Variants in GDPD1 observed in about 807,000 individuals in gnomAD.
GDPD1 encodes lysophospholipase D GDPD1.
A neutral mutation model predicts 45.1 loss-of-function variants in GDPD1; 28 were observed. The ratio of observed to expected loss-of-function variants is 0.62; its 90% CI spans 0.46 to 0.85. GDPD1 has a LOEUF of 0.85. GDPD1 is among the 40% of genes least tolerant of loss of function. The pLI, the probability that GDPD1 is intolerant of heterozygous loss-of-function variation, is 0.00. For missense variants in GDPD1, 256 were observed against 364.8 expected (o/e 0.70, Z 2.43); for synonymous variants, 139 against 131.4 (o/e 1.06, Z -0.40).
At chr17:59,229,811 A>G (rs2047075508) in intron 1 of GDPD1, among the ~76,000 whole-genome samples, 1 of 152,160 alleles carries the variant, frequency 6.6e-6, no homozygotes, top group African/African-American at 2.4e-5. Flanking sequence ...TTCAGTTACA[A>G]TATATCTTTT....
chr17:59,244,769 G>A (rs1187303738), intron 2 of GDPD1, among the ~76,000 whole-genome samples: 2 of 152,132 alleles, frequency 1.3e-5, no homozygotes, highest in African/African-American at 2.4e-5. Context: ...GCTGAGGCAG[G>A]AGGATCACAT....
At chr17:59,259,566 C>CAA (rs71367681) in intron 6 of GDPD1, among the ~76,000 whole-genome samples, 121 of 24,716 alleles carry the variant, frequency 4.9e-3, no homozygotes, top group African/African-American at 7.8e-3. Context: ...GACTCTGTCT[C>CAA]AAAAAAAAAA....
intron 6 of GDPD1, 96 bp downstream of exon 6, chr17:59,257,936 T>G: frequency 1.3e-6 from 1 of 784,788 alleles, no homozygotes. Flanking sequence ...TTTCTTTTTC[T>G]TATTTTTAGA....
chr17:59,223,659 A>G (rs1052188198), intron 1 of GDPD1, among the ~76,000 whole-genome samples: 6 of 152,232 alleles, frequency 3.9e-5, no homozygotes, highest in African/African-American at 1.4e-4. Flanking sequence ...CTTGTAAATT[A>G]GATATGTGAC....
At chr17:59,259,422 C>G (rs2047335153) in intron 6 of GDPD1, among the ~76,000 whole-genome samples, 1 of 151,714 alleles carries the variant, frequency 6.6e-6, no homozygotes, top group Admixed American at 6.6e-5. Flanking sequence ...AAAAAATTAG[C>G]CAGGCGTAGT....
At chr17:59,266,644 A>G (rs528099819) in intron 6 of GDPD1, among the ~76,000 whole-genome samples, 1 of 152,280 alleles carries the variant, frequency 6.6e-6, no homozygotes, top group African/African-American at 2.4e-5. Context: ...ATACTCATAT[A>G]TAGAGATATA....
At chr17:59,233,284 CG>C (rs757268928) in intron 1 of GDPD1, among the ~76,000 whole-genome samples, 1 of 152,086 alleles carries the variant, frequency 6.6e-6, no homozygotes, top group African/African-American at 2.4e-5. Flanking sequence ...GAGGCTGAAG[CG>C]GGTGGATCAC....
At chr17:59,260,595 T>C (rs1459014521) in intron 6 of GDPD1, among the ~76,000 whole-genome samples, 1 of 152,062 alleles carries the variant, frequency 6.6e-6, no homozygotes, top group Non-Finnish European at 1.5e-5. Context: ...TAGTTAAACC[T>C]TCATAATCAA....
Position 59,220,526 on chromosome 17 carries a change from A to AGCCGCCGCCGCCGCC in GDPD1, c.-82_-68dup. On this transcript the variant is annotated 5_prime_UTR_variant, in exon 1 of 10. Coordinates refer to ENST00000284116, the MANE Select transcript of GDPD1 (RefSeq NM_182569.4). ...GGCTGGGGGCGAGCCGACCTCGAGC[A>AGCCGCCGCCGCCGCC]GCCGCCGCCGCCGCCGTCGTTGCTA... is the stretch of plus-strand genomic sequence containing the variant. 1 of 1,476,006 alleles carries AGCCGCCGCCGCCGCC rather than the reference A, an allele frequency of 6.8e-7. No homozygotes were observed. Among genetic ancestry groups the AGCCGCCGCCGCCGCC allele is most frequent in the South Asian group, 1.2e-5 (1 of 80,750 alleles). The allele number at this position is 1,476,006 out of a possible 1,614,324, so 91.4% of individuals were successfully genotyped here.
chr17:59,222,785 G>C (rs2047016763), intron 1 of GDPD1, among the ~76,000 whole-genome samples: 1 of 151,920 alleles, frequency 6.6e-6, no homozygotes, highest in Non-Finnish European at 1.5e-5. Flanking sequence ...AAAGTGTTGG[G>C]ATTACAGGCG....
chr17:59,255,878 C>T (rs1337167321), intron 4 of GDPD1, among the ~76,000 whole-genome samples: 2 of 125,482 alleles, frequency 1.6e-5, no homozygotes, highest in African/African-American at 7.2e-5. Flanking sequence ...TATATATACA[C>T]ACACACACAC....
intron 3 of GDPD1, among the ~76,000 whole-genome samples, chr17:59,246,697 G>A (rs1353119423): frequency 1.2e-5 from 1 of 86,010 alleles, no homozygotes; most frequent in Non-Finnish European, 2.0e-5. Flanking sequence ...TGAAAAGAGC[G>A]AGACTCCATC....
intron 6 of GDPD1, chr17:59,260,988 T>C (rs1188446783): frequency 3.9e-5 from 6 of 152,092 alleles, no homozygotes; most frequent in Admixed American, 3.9e-4. Flanking sequence ...GTTGTGGTTG[T>C]TGTTTTGGAG....
intron 6 of GDPD1, among the ~76,000 whole-genome samples, chr17:59,259,134 TAAA>T (rs1160741376): frequency 7.1e-6 from 1 of 141,186 alleles, no homozygotes; most frequent in Non-Finnish European, 1.6e-5. Flanking sequence ...CTAACTCTAT[TAAA>T]AAAAAAAAAA....
chr17:59,243,654 C>T (rs11651026), intron 2 of GDPD1, among the ~76,000 whole-genome samples: 15,388 of 152,184 alleles, frequency 0.1, 1,037 homozygotes, highest in South Asian at 0.26. Context: ...TGGCTGTCTC[C>T]TATCTCCATC....
chr17:59,265,861 G>A (rs1330158429), intron 6 of GDPD1, among the ~76,000 whole-genome samples: 2 of 146,132 alleles, frequency 1.4e-5, no homozygotes, highest in Non-Finnish European at 3.0e-5. Context: ...CTTTGGTTGT[G>A]CCACTGCACT....
chr17:59,249,525 A>G (rs2047237504), intron 4 of GDPD1, among the ~76,000 whole-genome samples: 1 of 152,236 alleles, frequency 6.6e-6, no homozygotes, highest in Admixed American at 6.5e-5. Context: ...TCCATATTTT[A>G]AATGATTAAA....
chr17:59,257,348 C>A (rs968018373), intron 5 of GDPD1, 108 bp downstream of exon 5: 1 of 639,828 alleles, frequency 1.6e-6, no homozygotes, highest in South Asian at 2.2e-5. Context: ...AAATGTGATA[C>A]CCTAGGGATC....
rs781384753 is a variant in GDPD1, at chr17:59,274,843, A to ATTTTTTTTTTTTTT, written c.*1073_*1086dup. On this transcript the variant is annotated 3_prime_UTR_variant, in exon 10 of 10. Transcript: ENST00000284116. ...CTGGAATACAATCAATTAGTAAAAG[A>ATTTTTTTTTTTTTT]TTTTTTTTTTTTTTTTGACATGTAG... Among the ~76,000 whole-genome samples, 1 of 137,354 alleles carries ATTTTTTTTTTTTTT rather than the reference A, an allele frequency of 7.3e-6. No individual in the cohort carries two copies. The allele number at this position is 137,354 out of a possible 152,430, so 90.1% of individuals were successfully genotyped here. A position where few individuals can be genotyped will look rare whatever the true frequency, so the allele number is the denominator to read the frequency against.
Sources: allele counts gnomAD v4.1 joint callset (sites outside exome capture counted in the v4.1 genomes callset), GRCh38; gene constraint gnomAD v4.1.1; transcripts MANE v1.5; gene names NCBI Gene and HGNC (gene_info 2026-07-23, HGNC 2026-07-21).